The following SELENBP1 variants were observed in gnomAD, a reference collection of about 807,000 sequenced individuals.
SELENBP1 encodes the protein methanethiol oxidase.
Under a neutral mutation model 61.0 loss-of-function variants are expected in SELENBP1, and 71 were observed. That is an observed-to-expected ratio of 1.16 (90% confidence interval 0.96 to 1.42). The LOEUF (loss-of-function observed/expected upper bound fraction) is 1.42, where lower values mean the gene tolerates loss of function less well. Among genes scored for constraint, SELENBP1 ranks in the 40% most tolerant of loss-of-function variants. The pLI is 0.00. For synonymous variants in SELENBP1, 270 were observed against 238.9 expected (o/e 1.13, Z -1.20); for missense variants, 561 against 605.0 (o/e 0.93, Z 0.76).
chr1:151,370,169 G>A, intron 1 of SELENBP1: 2 of 483,930 alleles, frequency 4.1e-6, no homozygotes, highest in Admixed American at 7.1e-5. Flanking sequence ...CTGTAAAATG[G>A]AGATGGTAAG....
Position 151,365,656 on chromosome 1 carries a change from C to T in SELENBP1, c.951G>A (p.Leu317=), listed in dbSNP as rs745594532. Residue 317 remains leucine, a synonymous_variant, in exon 9 of 12, where the codon CTG becomes CTA. Transcript: ENST00000368868. ...TGCTGAAGTAGAGGAAGCGGTCGTCCAGGGAGAGCAGGATGTCGGTGATCA... is the reference window on the plus strand; with the variant it reads ...TGCTGAAGTAGAGGAAGCGGTCGTCTAGGGAGAGCAGGATGTCGGTGATCA... The part of the protein sequence containing the change: ...PGLITDILLS[L]DDRFLYFSNW... 2 of 1,614,182 alleles carry T rather than the reference C, an allele frequency of 1.2e-6. No homozygotes were observed. Among genetic ancestry groups the T allele is most frequent in the Admixed American group, 3.3e-5 (2 of 60,020 alleles).
chr1:151,365,974 G>T lies in SELENBP1; in HGVS notation c.844-128C>A, dbSNP rs1329607728. The T allele has an allele frequency of 4.9e-6, 5 of 1,010,104 alleles. No individual in the cohort carries two copies. In the Admixed American group the frequency reaches 7.0e-5, roughly 14 times the overall value. The allele number at this position is 1,010,104 out of a possible 1,614,324, so 62.6% of individuals were successfully genotyped here. On this transcript the variant is annotated intron_variant, in intron 7 of 11. Coordinates refer to ENST00000368868, the MANE Select transcript of SELENBP1 (RefSeq NM_003944.4). ...GAATAGATGCCCGGCCTTCTTGCCAGCAGGATCTAACTCCATGCAAGCCCC... is the reference window on the plus strand; with the variant it reads ...GAATAGATGCCCGGCCTTCTTGCCATCAGGATCTAACTCCATGCAAGCCCC...
rs759302447 is a variant in SELENBP1, at chr1:151,368,268, T to C, written c.412A>G (p.Thr138Ala). 3 of 1,613,498 alleles carry C rather than the reference T, an allele frequency of 1.9e-6. No homozygotes were observed. Among genetic ancestry groups the C allele is most frequent in the Non-Finnish European group, 2.5e-6 (3 of 1,179,946 alleles). The change falls in exon 5 of 12, where the codon ACC (threonine) becomes GCC (alanine). Residue 138 changes from threonine (T) to alanine (A), a missense_variant. By Grantham distance (58) the Thr-to-Ala change is moderately conservative (BLOSUM62 0). Coordinates refer to ENST00000368868, the MANE Select transcript of SELENBP1 (RefSeq NM_003944.4). ...TCCCCGCTGGCCAGGCAGTGGCTGGTGTGGAGAAAGGCCAGTTCGCACTTG... is the reference window on the plus strand; with the variant it reads ...TCCCCGCTGGCCAGGCAGTGGCTGGCGTGGAGAAAGGCCAGTTCGCACTTG... ...HAKCELAFLH[T>A]SHCLASGEVM...
chr1:151,365,602 A>T lies in SELENBP1; in HGVS notation c.1005T>A (p.Tyr335Ter). 1 of 1,614,128 alleles carries T rather than the reference A, an allele frequency of 6.2e-7. No homozygotes were observed. The highest frequency in any genetic ancestry group is 8.5e-7 in the Non-Finnish European group (1 of 1,180,012). The change falls in exon 9 of 12, where the codon TAT becomes TAA. Residue 335 changes from tyrosine (Y) to a stop codon, truncating the protein, a stop_gained. Coordinates refer to ENST00000368868, the MANE Select transcript of SELENBP1 (RefSeq NM_003944.4). LOFTEE classifies it high-confidence loss of function. The stretch of plus-strand genomic sequence containing the variant: ...GGGGTCTCTGTGGGTCAGAGATGTC[A>T]TACTGCCTCAGGTCCCCATGCAGCC... Reference protein sequence around the residue: ...SNWLHGDLRQYDISDPQRPRL... With the variant: ...SNWLHGDLRQ
At chr1:151,368,394 A>T (rs1651969257) in intron 4 of SELENBP1, 75 bp from the exon 5 acceptor site, 1 of 1,563,104 alleles carries the variant, frequency 6.4e-7, no homozygotes, top group South Asian at 1.1e-5. Flanking sequence ...TACTTCCCCT[A>T]CTTCTATCTG....
intron 7 of SELENBP1, 94 bp downstream of exon 7, chr1:151,366,181 C>T: frequency 6.9e-6 from 10 of 1,456,396 alleles, no homozygotes; most frequent in South Asian, 1.3e-5. Context: ...TTTTTTCGTT[C>T]CTGGAGACGC....
Position 151,366,370 on chromosome 1 carries a change from G to C in SELENBP1, c.748C>G (p.Pro250Ala). The change falls in exon 7 of 12, where the codon CCC (proline) becomes GCC (alanine). Residue 250 changes from proline (P) to alanine (A), a missense_variant. By Grantham distance (27) the Pro-to-Ala change is conservative. Coordinates refer to ENST00000368868, the MANE Select transcript of SELENBP1 (RefSeq NM_003944.4). The part of the protein sequence containing the change: ...QTLSLKDGLI[P>A]LEIRFLHNPD... ...TTGTGCAGGAAGCGGATCTCCAAGG[G>C]AATAAGCCCATCTTTTAGAGACAGG... 1 of 1,614,142 alleles carries C rather than the reference G, an allele frequency of 6.2e-7. No individual in the cohort carries two copies. Among genetic ancestry groups the C allele is most frequent in the Middle Eastern group, 1.6e-4 (1 of 6,062 alleles).
intron 7 of SELENBP1, 76 bp from the exon 8 acceptor site, chr1:151,365,922 C>A (rs1651792617): frequency 1.3e-6 from 2 of 1,516,672 alleles, no homozygotes; most frequent in Admixed American, 1.8e-5. Flanking sequence ...GGGGTTAGAT[C>A]TGGGTTGCCC....
rs979889730 is a variant in SELENBP1, at chr1:151,364,401, T to C, written c.*142A>G. 8.2e-6 allele frequency: 8 copies of C among 975,090 alleles called. No homozygotes were observed. The highest frequency in any genetic ancestry group is 1.6e-5 in the African/African-American group (1 of 61,784). The allele number at this position is 975,090 out of a possible 1,614,324, so 60.4% of individuals were successfully genotyped here. On this transcript the variant is annotated 3_prime_UTR_variant, in exon 12 of 12. Coordinates refer to ENST00000368868, the MANE Select transcript of SELENBP1 (RefSeq NM_003944.4). The stretch of plus-strand genomic sequence containing the variant: ...AGCAACAGTGGTCAGTAAATGTATA[T>C]GACTCAACACATTGCCACAGTCTCA...
At chr1:151,368,144 T>G in intron 5 of SELENBP1, 55 bp downstream of exon 5, 1 of 1,585,328 alleles carries the variant, frequency 6.3e-7, no homozygotes, top group Non-Finnish European at 8.6e-7. Flanking sequence ...AGAAAAATGC[T>G]TCCCACATTT....
rs1449804067 is a variant in SELENBP1 at position 151,365,300 on chromosome 1, A to G, written c.1045-19T>C. On this transcript the variant is annotated intron_variant, in intron 9 of 11. Coordinates refer to ENST00000368868, the MANE Select transcript of SELENBP1 (RefSeq NM_003944.4). The stretch of plus-strand genomic sequence containing the variant: ...GGAAGAGCTAGATGGGGAGGTGCAG[A>G]GTATAAGGAGGACCATAGTGGGAGG... 1.2e-6 allele frequency: 2 copies of G among 1,607,056 alleles called. No homozygotes were observed. The highest frequency in any genetic ancestry group is 1.7e-5 in the Admixed American group (1 of 59,210).
chr1:151,369,881 G>T, intron 1 of SELENBP1, 112 bp from the exon 2 acceptor site: 1 of 1,550,728 alleles, frequency 6.4e-7, no homozygotes, highest in Non-Finnish European at 8.7e-7. Flanking sequence ...GCTGGCCTAG[G>T]TCCCCACTCC....
chr1:151,365,595 A>T lies in SELENBP1; in HGVS notation c.1012T>A (p.Ser338Thr), dbSNP rs767962122. 2.5e-6 allele frequency: 4 copies of T among 1,614,032 alleles called. No homozygotes were observed. The highest frequency in any genetic ancestry group is 1.7e-6 in the Non-Finnish European group (2 of 1,179,994). ...LHGDLRQYDI[S>T]DPQRPRLTGQ... Reference sequence around the variant, plus strand: ...GTGAGGCGGGGTCTCTGTGGGTCAGAGATGTCATACTGCCTCAGGTCCCCA... The same window carrying T: ...GTGAGGCGGGGTCTCTGTGGGTCAGTGATGTCATACTGCCTCAGGTCCCCA... Residue 338 changes from serine (S) to threonine (T), a missense_variant, in exon 9 of 12, where the codon TCT (serine) becomes ACT (threonine). By Grantham distance (58) the Ser-to-Thr change is moderately conservative. Transcript: ENST00000368868.
chr1:151,369,326 G>A (rs1203827632), intron 3 of SELENBP1, 116 bp downstream of exon 3: 17 of 1,417,108 alleles, frequency 1.2e-5, no homozygotes, highest in African/African-American at 9.9e-5. Context: ...CAGGTTGAGC[G>A]TGCACAAGCA....
intron 1 of SELENBP1, among the ~76,000 whole-genome samples, chr1:151,370,589 G>A (rs1032265768): frequency 6.6e-6 from 1 of 152,200 alleles, no homozygotes; most frequent in African/African-American, 2.4e-5. Flanking sequence ...TCTGAAGTCT[G>A]GCAAGAGGGG....
At chr1:151,369,416 TAG>T in intron 3 of SELENBP1, 24 bp downstream of exon 3, 1 of 1,588,746 alleles carries the variant, frequency 6.3e-7, no homozygotes, top group Non-Finnish European at 8.6e-7. Context: ...GGTCTCAAAG[TAG>T]CTGGCGCCCA....
rs771011178 is a variant in SELENBP1, at chr1:151,366,365, C to G, written c.753G>C (p.Leu251Phe). The G allele has an allele frequency of 6.2e-7, 1 of 1,614,148 alleles. No individual in the cohort carries two copies. The highest frequency in any genetic ancestry group is 1.1e-5 in the South Asian group (1 of 91,084). ...TLSLKDGLIP[L>F]EIRFLHNPDA... ...CTGGGTTGTGCAGGAAGCGGATCTC[C>G]AAGGGAATAAGCCCATCTTTTAGAG... The change falls in exon 7 of 12, where the codon TTG becomes TTC. Residue 251 changes from leucine (L) to phenylalanine (F), a missense_variant. Transcript: ENST00000368868.
chr1:151,368,336 A>G lies in SELENBP1; in HGVS notation c.361-17T>C. The stretch of plus-strand genomic sequence containing the variant: ...CTCAATGACCTGGAAGGGGTGGGGA[A>G]TGGTGTCAGAATCATACAGGACTGG... On this transcript the variant is annotated splice_polypyrimidine_tract_variant and intron_variant, in intron 4 of 11. Transcript: ENST00000368868. 1 of 1,613,640 alleles carries G rather than the reference A, an allele frequency of 6.2e-7. No individual in the cohort carries two copies. The highest frequency in any genetic ancestry group is 8.5e-7 in the Non-Finnish European group (1 of 1,179,588).
At chr1:151,366,230 G>A (rs1424069029) in intron 7 of SELENBP1, 45 bp downstream of exon 7, 1 of 1,588,414 alleles carries the variant, frequency 6.3e-7, no homozygotes, top group South Asian at 1.1e-5. Flanking sequence ...AGGTAGAGCT[G>A]CTGACAAGAC....
Sources: gnomAD v4.1 joint callset for allele counts (sites outside exome capture counted in the v4.1 genomes callset) on GRCh38, gnomAD v4.1.1 for gene constraint, MANE v1.5 for transcripts, NCBI Gene and HGNC (gene_info 2026-07-23, HGNC 2026-07-21) for gene names.